Variants in KIAA0586 observed in about 807,000 individuals in gnomAD.
KIAA0586 encodes the protein protein TALPID3.
Under a neutral mutation model 169.8 loss-of-function variants are expected in KIAA0586, and 144 were observed. The ratio of observed to expected loss-of-function variants is 0.85; its 90% CI spans 0.74 to 0.97. KIAA0586 has a LOEUF of 0.97. Ranked by LOEUF, KIAA0586 falls within the 50% of genes least tolerant of loss-of-function variation. The pLI is 0.00. For missense variants in KIAA0586, 1,854 were observed against 1,823.0 expected (o/e 1.02, Z -0.31); for synonymous variants, 625 against 612.4 (o/e 1.02, Z -0.30).
intron 22 of KIAA0586, 143 bp from the exon 23 acceptor site, chr14:58,487,744 A>G: frequency 1.6e-6 from 1 of 609,936 alleles, no homozygotes; most frequent in Non-Finnish European, 2.9e-6. Flanking sequence ...GGCTACCACC[A>G]TTGTCATTAT....
At chr14:58,474,942 T>C in intron 19 of KIAA0586, 145 bp downstream of exon 19, 1 of 634,674 alleles carries the variant, frequency 1.6e-6, no homozygotes, top group Non-Finnish European at 2.6e-6. Context: ...TTTGATATAA[T>C]GCTGAGGGCT....
chr14:58,428,259 A>G lies in KIAA0586; in HGVS notation c.-6A>G, dbSNP rs2037015833. The G allele has an allele frequency of 1.9e-6, 3 of 1,612,606 alleles. No individual in the cohort carries two copies. In the East Asian group the frequency reaches 6.7e-5, roughly 36 times the overall value. On this transcript the variant is annotated 5_prime_UTR_variant, in exon 1 of 31. Coordinates refer to ENST00000652326, the MANE Select transcript of KIAA0586 (RefSeq NM_001329943.3). ...TAAGTGTGGGACTTGTTTTGTGACC[A>G]ACAATATGAAAGGCTCTGAGGTCAG...
chr14:58,490,303 C>A, intron 25 of KIAA0586, 63 bp downstream of exon 25: 1 of 908,362 alleles, frequency 1.1e-6, no homozygotes, highest in Non-Finnish European at 1.6e-6. Context: ...GAATTGGTTG[C>A]CACTGATCAG....
chr14:58,528,130 G>A (rs974469737), intron 29 of KIAA0586, among the ~76,000 whole-genome samples: 1 of 152,170 alleles, frequency 6.6e-6, no homozygotes, highest in Admixed American at 6.5e-5. Flanking sequence ...ATGGTAAAGG[G>A]ATCAATGCGA....
intron 27 of KIAA0586, among the ~76,000 whole-genome samples, chr14:58,507,280 TTATA>T (rs535740704): frequency 2.0e-5 from 3 of 146,470 alleles, no homozygotes; most frequent in Non-Finnish European, 4.5e-5. Flanking sequence ...TATGTATGAT[TTATA>T]TATATATCAT....
At position 58,454,432 on chromosome 14, in the gene KIAA0586, A is replaced by G. The variant is rs1033589148; in HGVS notation, c.1253+959A>G. On this transcript the variant is annotated intron_variant, in intron 9 of 30. Coordinates refer to ENST00000652326, the MANE Select transcript of KIAA0586 (RefSeq NM_001329943.3). Reference sequence around the variant, plus strand: ...CAGCTCTTTTAAATCAGATAGGAAAAGAAAAGAGATATGAACAAAAATACA... The same window carrying G: ...CAGCTCTTTTAAATCAGATAGGAAAGGAAAAGAGATATGAACAAAAATACA... 6.6e-5 allele frequency among the ~76,000 whole-genome samples: 10 copies of G among 152,226 alleles called. No individual in the cohort carries two copies. In the East Asian group the frequency reaches 1.7e-3, roughly 26 times the overall value.
At chr14:58,543,014 C>T (rs1178840663) in intron 30 of KIAA0586, among the ~76,000 whole-genome samples, 2 of 151,620 alleles carry the variant, frequency 1.3e-5, no homozygotes, top group African/African-American at 2.4e-5. Flanking sequence ...TTTAGTCCCT[C>T]GCAGCTACTT....
chr14:58,477,821 C>A (rs574481937), intron 20 of KIAA0586, among the ~76,000 whole-genome samples: 1 of 151,136 alleles, frequency 6.6e-6, no homozygotes, highest in East Asian at 1.9e-4. Context: ...CTTCTCTTCC[C>A]GATTTTTTCT....
Position 58,472,230 on chromosome 14 carries a change from A to C in KIAA0586, c.2585A>C (p.Glu862Ala). The C allele has an allele frequency of 6.3e-7, 1 of 1,588,466 alleles. No homozygotes were observed. The highest frequency in any genetic ancestry group is 8.6e-7 in the Non-Finnish European group (1 of 1,167,846). ...GAAATTATGAAGGTAGATGAAGAAGAGGTGAAGTTTCCAGGAACTAACTTT... is the reference window on the plus strand; with the variant it reads ...GAAATTATGAAGGTAGATGAAGAAGCGGTGAAGTTTCCAGGAACTAACTTT... The part of the protein sequence containing the change: ...TPEIMKVDEE[E>A]VKFPGTNFDE... The change falls in exon 18 of 31, where the codon GAG becomes GCG. Residue 862 changes from glutamate to alanine, a missense_variant. Glu to Ala is a moderately radical substitution (Grantham distance 107). Transcript: ENST00000652326.
chr14:58,502,167 G>T (rs942323549), intron 27 of KIAA0586, among the ~76,000 whole-genome samples: 1 of 151,476 alleles, frequency 6.6e-6, no homozygotes, highest in African/African-American at 2.4e-5. Context: ...ACAGAGTCTC[G>T]CTCTGTTGCC....
Position 58,429,399 on chromosome 14 carries a change from A to G in KIAA0586, c.236A>G (p.Gln79Arg). 1 of 1,599,136 alleles carries G rather than the reference A, an allele frequency of 6.3e-7. No homozygotes were observed. Among genetic ancestry groups the G allele is most frequent in the Non-Finnish European group, 8.6e-7 (1 of 1,166,584 alleles). ...SDLTSARNCY[Q>R]PLLENPMVSE... ...TTAACTTCTGCTAGAAATTGTTACC[A>G]GCCTCTATTAGAAAATCCCATGGTG... Residue 79 changes from glutamine (Q) to arginine (R), a missense_variant, in exon 2 of 31, where the codon CAG (glutamine) becomes CGG (arginine). By Grantham distance (43) the Gln-to-Arg change is conservative. Coordinates refer to ENST00000652326, the MANE Select transcript of KIAA0586 (RefSeq NM_001329943.3).
chr14:58,507,230 ATATG>A (rs1208141300), intron 27 of KIAA0586, among the ~76,000 whole-genome samples: 2 of 88,616 alleles, frequency 2.3e-5, no homozygotes, highest in African/African-American at 8.5e-5. Flanking sequence ...TAAATCATCT[ATATG>A]TATGATTTAT....
At chr14:58,520,106 G>C (rs142649646) in intron 29 of KIAA0586, among the ~76,000 whole-genome samples, 182 of 152,256 alleles carry the variant, frequency 1.2e-3, no homozygotes, top group African/African-American at 4.3e-3. Flanking sequence ...AATTAAATCA[G>C]CTTAGATACT....
rs778530192 is a variant in KIAA0586 at position 58,490,178 on chromosome 14, G to A, written c.3796G>A (p.Gly1266Arg). ...TTAATTTCTAGTTTTAGAAGATATA[G>A]GACTGTACCTGACAAACCTTAATGA... is the stretch of plus-strand genomic sequence containing the variant. ...KLAPKILEDI[G>R]LYLTNLNDSL... The change falls in exon 25 of 31, where the codon GGA (glycine) becomes AGA (arginine). Residue 1266 changes from glycine (G) to arginine (R), a missense_variant. Physicochemically the swap from Gly to Arg is moderately radical, Grantham distance 125. Transcript: ENST00000652326. The A allele has an allele frequency of 3.4e-6, 5 of 1,472,572 alleles. No individual in the cohort carries two copies. The highest frequency in any genetic ancestry group is 4.6e-6 in the Non-Finnish European group (5 of 1,083,414). The allele number at this position is 1,472,572 out of a possible 1,614,324, so 91.2% of individuals were successfully genotyped here.
At chr14:58,535,436 A>G (rs2046220708) in intron 29 of KIAA0586, among the ~76,000 whole-genome samples, 1 of 152,354 alleles carries the variant, frequency 6.6e-6, no homozygotes, top group South Asian at 2.1e-4. Flanking sequence ...AGCTTTAATA[A>G]TTGAATGTAC....
At chr14:58,486,902 C>A in intron 21 of KIAA0586, 105 bp from the exon 22 acceptor site, 1 of 855,034 alleles carries the variant, frequency 1.2e-6, no homozygotes, top group Non-Finnish European at 1.7e-6. Context: ...TTAACCCTGC[C>A]ATCAATTTAA....
intron 9 of KIAA0586, among the ~76,000 whole-genome samples, chr14:58,456,063 T>C (rs2039817800): frequency 6.6e-6 from 1 of 152,154 alleles, no homozygotes; most frequent in African/African-American, 2.4e-5. Context: ...GGGGATACTT[T>C]CTCGCTGAGC....
chr14:58,434,722 C>T (rs2037664254), intron 4 of KIAA0586, among the ~76,000 whole-genome samples: 3 of 152,242 alleles, frequency 2.0e-5, no homozygotes, highest in Non-Finnish European at 4.4e-5. Flanking sequence ...TGATGTAACA[C>T]TTATGCACCA....
chr14:58,507,333 T>C (rs2044059758), intron 27 of KIAA0586, among the ~76,000 whole-genome samples: 1 of 146,618 alleles, frequency 6.8e-6, no homozygotes, highest in African/African-American at 2.5e-5. Flanking sequence ...ATATATGATA[T>C]ATAAATATAT....
Sources: allele counts gnomAD v4.1 joint callset (sites outside exome capture counted in the v4.1 genomes callset), GRCh38; gene constraint gnomAD v4.1.1; transcripts MANE v1.5; gene names NCBI Gene and HGNC (gene_info 2026-07-23, HGNC 2026-07-21).